Variants in DHX57 observed in about 807,000 individuals in gnomAD.
The protein encoded by DHX57 is DExH-box helicase 57, also known as putative ATP-dependent RNA helicase DHX57.
Under a neutral mutation model 156.2 loss-of-function variants are expected in DHX57, and 105 were observed. The observed-to-expected ratio is 0.67, with a 90% CI of 0.57 to 0.79. DHX57 has a LOEUF of 0.79. Among genes scored for constraint, DHX57 ranks in the 30% least tolerant of loss-of-function variants. DHX57 has a pLI of 0.00. For missense variants in DHX57, 1,847 were observed against 1,661.9 expected, an observed-to-expected ratio of 1.11 and a Z score of -1.94; for synonymous variants, 704 against 595.6, an observed-to-expected ratio of 1.18 and a Z score of -2.65.
At chr2:38,870,843 C>A (rs1665319095) in intron 1 of DHX57, among the ~76,000 whole-genome samples, 1 of 151,710 alleles carries the variant, frequency 6.6e-6, no homozygotes, top group Non-Finnish European at 1.5e-5. Context: ...TGCGCCACTG[C>A]ACTCCAGCCT....
intron 21 of DHX57, among the ~76,000 whole-genome samples, chr2:38,810,208 T>C (rs1273619024): frequency 6.6e-6 from 1 of 151,816 alleles, no homozygotes; most frequent in Non-Finnish European, 1.5e-5. Flanking sequence ...GTCTTTTTTT[T>C]TTTTTTTTTT....
rs528777177 is a variant in DHX57, at chr2:38,875,818, G to C, written c.-38C>G. On this transcript the variant is annotated 5_prime_UTR_variant, in exon 1 of 24. Transcript: ENST00000457308. ...CGCAGAGTTGGGTCCCGAGCCGGCTGTCGGGAGGTGCTGCCCAAGGGTCAG... is the reference window on the plus strand; with the variant it reads ...CGCAGAGTTGGGTCCCGAGCCGGCTCTCGGGAGGTGCTGCCCAAGGGTCAG... The C allele has an allele frequency of 1.0e-5, 4 of 388,448 alleles. No individual in the cohort carries two copies. The South Asian group carries it at 4.3e-4, about 42-fold the overall frequency. 24.1% of individuals were successfully genotyped at this position (388,448 alleles called of 1,614,324 possible). A position where few individuals can be genotyped will look rare whatever the true frequency, so the allele number is the denominator to read the frequency against.
intron 22 of DHX57, among the ~76,000 whole-genome samples, chr2:38,805,715 A>G (rs1669901862): frequency 1.1e-5 from 1 of 87,906 alleles, no homozygotes; most frequent in South Asian, 5.4e-4. Context: ...CAGAAAGAGA[A>G]GAGTGAATTG....
At chr2:38,807,896 T>C (rs567356354) in intron 21 of DHX57, among the ~76,000 whole-genome samples, 1 of 149,050 alleles carries the variant, frequency 6.7e-6, no homozygotes, top group South Asian at 2.2e-4. Flanking sequence ...TCTACTTCCC[T>C]CTGTCTCCCA....
At chr2:38,809,402 T>C (rs890568546) in intron 21 of DHX57, among the ~76,000 whole-genome samples, 7 of 151,850 alleles carry the variant, frequency 4.6e-5, no homozygotes, top group Non-Finnish European at 7.4e-5. Context: ...CACGAGCCAC[T>C]ATGCCCAGCC....
chr2:38,838,603 G>A (rs1256015409), intron 12 of DHX57, among the ~76,000 whole-genome samples: 1 of 152,116 alleles, frequency 6.6e-6, no homozygotes, highest in East Asian at 1.9e-4. Context: ...ATACATTTTA[G>A]AAACTTCTTC....
At chr2:38,820,626 C>G (rs1670762187) in intron 17 of DHX57, among the ~76,000 whole-genome samples, 1 of 151,906 alleles carries the variant, frequency 6.6e-6, no homozygotes, top group Admixed American at 6.6e-5. Context: ...GTAGTCAAGT[C>G]CCAACAATCA....
chr2:38,823,366 T>G, intron 16 of DHX57, 97 bp from the exon 17 acceptor site: 1 of 1,268,328 alleles, frequency 7.9e-7, no homozygotes, highest in Non-Finnish European at 1.1e-6. Flanking sequence ...TTTACAAGTT[T>G]AAATAAAAAA....
At chr2:38,868,074 A>G (rs1665168746) in intron 2 of DHX57, 108 bp downstream of exon 2, 17 of 1,394,072 alleles carry the variant, frequency 1.2e-5, no homozygotes, top group Non-Finnish European at 1.7e-5. Context: ...GAGGAAGACA[A>G]TTTGACCAGA....
chr2:38,866,796 C>T (rs1665095870), intron 2 of DHX57, among the ~76,000 whole-genome samples: 2 of 152,200 alleles, frequency 1.3e-5, no homozygotes, highest in Non-Finnish European at 2.9e-5. Context: ...CACAGTGGCT[C>T]ACGCCTGTAA....
At chr2:38,871,946 G>A (rs1023311073) in intron 1 of DHX57, among the ~76,000 whole-genome samples, 1 of 152,118 alleles carries the variant, frequency 6.6e-6, no homozygotes, top group Non-Finnish European at 1.5e-5. Flanking sequence ...TTGACCTTGT[G>A]ATCCGCCTGC....
chr2:38,846,113 G>A (rs578020258), intron 11 of DHX57, among the ~76,000 whole-genome samples: 2 of 152,140 alleles, frequency 1.3e-5, no homozygotes, highest in East Asian at 3.9e-4. Flanking sequence ...TGATCTGCTC[G>A]CCTCGGCCTC....
At chr2:38,805,767 G>A (rs896803436) in intron 22 of DHX57, among the ~76,000 whole-genome samples, 2 of 151,840 alleles carry the variant, frequency 1.3e-5, no homozygotes, top group Admixed American at 1.3e-4. Context: ...TGTTTGAGAT[G>A]ACTAAAAGAC....
Position 38,826,572 on chromosome 2 carries a change from G to C in DHX57, c.2757C>G (p.Ser919=). 1.9e-6 allele frequency: 3 copies of C among 1,614,052 alleles called. No individual in the cohort carries two copies. Among genetic ancestry groups the C allele is most frequent in the Non-Finnish European group, 2.5e-6 (3 of 1,180,008 alleles). ...IIISTNIAET[S]ITIDDVVYVI... is the part of the protein sequence containing the mutation. ...CATAGACAACATCATCGATGGTTAT[G>C]GATGTCTCAGCAATGTTGGTGGAAA... Residue 919 remains serine, a synonymous_variant, in exon 15 of 24, where the codon TCC becomes TCG. Transcript: ENST00000457308.
intron 23 of DHX57, 103 bp downstream of exon 23, chr2:38,802,612 C>G: frequency 7.1e-7 from 1 of 1,403,182 alleles, no homozygotes; most frequent in South Asian, 1.3e-5. Flanking sequence ...TTAATTAGCT[C>G]TGTTACCTTG....
intron 9 of DHX57, among the ~76,000 whole-genome samples, chr2:38,850,434 G>C (rs1382159780): frequency 1.3e-5 from 2 of 151,658 alleles, no homozygotes; most frequent in African/African-American, 4.8e-5. Context: ...TTTTGTTTTT[G>C]TTTTTATAGT....
chr2:38,857,959 A>G (rs1470433995), intron 6 of DHX57, among the ~76,000 whole-genome samples: 1 of 152,120 alleles, frequency 6.6e-6, no homozygotes, highest in Non-Finnish European at 1.5e-5. Flanking sequence ...CCAGGCTGGC[A>G]TTGTCTCAAG....
At position 38,817,742 on chromosome 2, in the gene DHX57, G is replaced by C. The variant is rs913252958; in HGVS notation, c.3471+1135C>G. On this transcript the variant is annotated intron_variant, in intron 19 of 23. Coordinates refer to ENST00000457308, the MANE Select transcript of DHX57 (RefSeq NM_198963.3). ...GGCAGGATCTCCCTCTGTTGGCCTA[G>C]GCTGGAGTACAGTAGGGCATTCATG... is the stretch of plus-strand genomic sequence containing the variant. 2.0e-5 allele frequency among the ~76,000 whole-genome samples: 3 copies of C among 152,202 alleles called. No homozygotes were observed. The East Asian group carries it at 5.8e-4, about 29-fold the overall frequency.
In DHX57 at chr2:38,861,776, C is replaced by T. The variant is rs1214285644; in HGVS notation, c.634G>A (p.Ala212Thr). 8 of 1,613,912 alleles carry T rather than the reference C, an allele frequency of 5.0e-6. No individual in the cohort carries two copies. The highest frequency in any genetic ancestry group is 6.8e-6 in the Non-Finnish European group (8 of 1,179,900). ...TGGGTAAGGAGATGCTCTAGTGATG[C>T]TCCCACATCTCCATCACACATCCTC... Reference protein sequence around the residue: ...VLRMCDGDVGASLEHLLTQCF... With the variant: ...VLRMCDGDVGTSLEHLLTQCF... Residue 212 changes from alanine to threonine, a missense_variant, in exon 5 of 24, where the codon GCA becomes ACA. Transcript: ENST00000457308.
Sources: gnomAD v4.1 joint callset for allele counts (sites outside exome capture counted in the v4.1 genomes callset) on GRCh38, gnomAD v4.1.1 for gene constraint, MANE v1.5 for transcripts, NCBI Gene and HGNC (gene_info 2026-07-23, HGNC 2026-07-21) for gene names.